ZNF558: variants seen among roughly 807,000 people sequenced by gnomAD.
ZNF558 encodes zinc finger protein 558.
In ZNF558, 23 loss-of-function variants were observed where a neutral mutation model predicts 37.6. The ratio of observed to expected loss-of-function variants is 0.61; its 90% CI spans 0.44 to 0.87. ZNF558 has a LOEUF of 0.87. Ranked by LOEUF, ZNF558 falls within the 40% of genes least tolerant of loss-of-function variation. The pLI is 0.00. For missense variants in ZNF558, 429 were observed against 483.7 expected, an observed-to-expected ratio of 0.89 and a Z score of 1.06; for synonymous variants, 189 against 174.4, an observed-to-expected ratio of 1.08 and a Z score of -0.66.
chr19:8,814,955 G>C (rs546162620), intron 7 of ZNF558, among the ~76,000 whole-genome samples: 3 of 152,150 alleles, frequency 2.0e-5, no homozygotes, highest in Admixed American at 6.5e-5. Flanking sequence ...TAGAACTGTT[G>C]TATGTTCTAT....
rs912973396 is a variant in ZNF558, at chr19:8,822,680, AG to A, written c.-22del. The A allele has an allele frequency of 6.2e-7, 1 of 1,613,962 alleles. No homozygotes were observed. Among genetic ancestry groups the A allele is most frequent in the African/African-American group, 1.3e-5 (1 of 74,910 alleles). On this transcript the variant is annotated 5_prime_UTR_variant, in exon 5 of 10. Coordinates refer to ENST00000601372, the MANE Select transcript of ZNF558 (RefSeq NM_144693.3). The surrounding 1 kb of genome is among the most constrained non-coding windows in gnomAD (Gnocchi z 4.4). ...GCCATCCTGTGACTCCGACAGCAAC[AG>A]GGCAGCCGGGAAGCAGGACGCTCCT...
At chr19:8,829,130 T>C (rs1263818260) in intron 2 of ZNF558, among the ~76,000 whole-genome samples, 4 of 151,830 alleles carry the variant, frequency 2.6e-5, no homozygotes, top group Non-Finnish European at 5.9e-5. Flanking sequence ...GGCATGGTGG[T>C]AGGCGCCTGT....
At chr19:8,818,373 G>A (rs1028632766) in intron 7 of ZNF558, among the ~76,000 whole-genome samples, 11 of 152,050 alleles carry the variant, frequency 7.2e-5, no homozygotes, top group Admixed American at 7.2e-4. Context: ...AATCACTTGA[G>A]CCTGGGAGGC....
In ZNF558 at chr19:8,822,357, A is replaced by C. The variant is rs2044115493; in HGVS notation, c.32-266T>G. The stretch of plus-strand genomic sequence containing the variant: ...TTCACAGATGAGGAAACAAGTTCCA[A>C]GGGCGTCACTGTGTTTTTATCAGAT... On this transcript the variant is annotated intron_variant, in intron 5 of 9. Transcript: ENST00000601372. This position sits in a 1 kb window ranked among gnomAD's most constrained non-coding sequence, Gnocchi z 4.4. Among the ~76,000 whole-genome samples, 1 of 152,218 alleles carries C rather than the reference A, an allele frequency of 6.6e-6. No individual in the cohort carries two copies. Among genetic ancestry groups the C allele is most frequent in the African/African-American group, 2.4e-5 (1 of 41,452 alleles).
At chr19:8,834,638 C>CA (rs778953517), upstream of ZNF558, among the ~76,000 whole-genome samples, 645 of 129,782 alleles carry the variant, frequency 5.0e-3, 4 homozygotes, top group East Asian at 0.019. Flanking sequence ...CAAAAAAAAA[C>CA]AAAAAAAAAA....
Position 8,811,487 on chromosome 19 carries a change from G to A in ZNF558, c.1003C>T (p.Leu335Phe), listed in dbSNP as rs1555767958. 5 of 1,614,122 alleles carry A rather than the reference G, an allele frequency of 3.1e-6. No homozygotes were observed. The Admixed American group carries it at 5.0e-5, about 16-fold the overall frequency. ...GTATGTATTCTCTTGTGCACAGTAAGAGAAAAGCTACTGCTGAAGGATTTC... is the reference window on the plus strand; with the variant it reads ...GTATGTATTCTCTTGTGCACAGTAAAAGAAAAGCTACTGCTGAAGGATTTC... The part of the protein sequence containing the change: ...CGKSFSSSFS[L>F]TVHKRIHTGE... The change falls in exon 10 of 10, where the codon CTT becomes TTT. Residue 335 changes from leucine to phenylalanine, a missense_variant. By Grantham distance (22) the Leu-to-Phe change is conservative. Coordinates refer to ENST00000601372, the MANE Select transcript of ZNF558 (RefSeq NM_144693.3).
At chr19:8,830,138 C>G (rs1025960303) in intron 2 of ZNF558, among the ~76,000 whole-genome samples, 14 of 152,102 alleles carry the variant, frequency 9.2e-5, no homozygotes, top group Admixed American at 8.5e-4. Context: ...AGAAGTTTGG[C>G]GTTTATGTCT....
upstream of ZNF558, among the ~76,000 whole-genome samples, chr19:8,837,286 C>T (rs936530980): frequency 6.6e-6 from 1 of 152,134 alleles, no homozygotes; most frequent in Non-Finnish European, 1.5e-5. Context: ...GATCATCTAC[C>T]TCCTATTTAA....
Position 8,821,984 on chromosome 19 carries a change from AAAGG to A in ZNF558, c.120+15_120+18del. ...TGGCCAAAGGAATAATGATTTGGGA[AAAGG>A]AACATCTGACTCACCCGTAGCCAGC... is the stretch of plus-strand genomic sequence containing the variant. On this transcript the variant is annotated intron_variant, in intron 6 of 9. Transcript: ENST00000601372. 4.3e-6 allele frequency: 7 copies of A among 1,613,676 alleles called. No individual in the cohort carries two copies. The highest frequency in any genetic ancestry group is 5.9e-6 in the Non-Finnish European group (7 of 1,179,702).
chr19:8,836,020 AGTGG>A (rs2044451441), upstream of ZNF558, among the ~76,000 whole-genome samples: 1 of 152,220 alleles, frequency 6.6e-6, no homozygotes, highest in African/African-American at 2.4e-5. Context: ...AATGAGGGGA[AGTGG>A]GTAATGGTAT....
chr19:8,825,906 C>A (rs572157160), intron 2 of ZNF558, among the ~76,000 whole-genome samples: 1 of 152,146 alleles, frequency 6.6e-6, no homozygotes, highest in East Asian at 1.9e-4. Context: ...AGGCAAGGAT[C>A]CTGACATGGG....
Position 8,808,581 on chromosome 19 carries a change from G to T in ZNF558, c.*2700C>A, listed in dbSNP as rs1555766622. ...CTGTACTTGGAAATACAATTAAGTT[G>T]CATTAATGTTCATATACCCTATATC... On this transcript the variant is annotated 3_prime_UTR_variant, in exon 10 of 10. Coordinates refer to ENST00000601372, the MANE Select transcript of ZNF558 (RefSeq NM_144693.3). The T allele has an allele frequency of 1.3e-5, 2 of 152,082 alleles. No homozygotes were observed. The highest frequency in any genetic ancestry group is 4.8e-5 in the African/African-American group (2 of 41,408). 9.4% of individuals were successfully genotyped at this position (152,082 alleles called of 1,614,324 possible).
intron 7 of ZNF558, among the ~76,000 whole-genome samples, chr19:8,819,427 C>A (rs1358385834): frequency 6.6e-6 from 1 of 152,078 alleles, no homozygotes; most frequent in African/African-American, 2.4e-5. Flanking sequence ...GTGATCCATC[C>A]ATCTCAGCCT....
Position 8,809,501 on chromosome 19 carries a change from T to A in ZNF558, c.*1780A>T, listed in dbSNP as rs1317207004. On this transcript the variant is annotated 3_prime_UTR_variant, in exon 10 of 10. Coordinates refer to ENST00000601372, the MANE Select transcript of ZNF558 (RefSeq NM_144693.3). ...GGAAAGAAACCAACAGTATTTGGCA[T>A]ACCAAGATAGAGAGAAAATAATCAG... 1 of 152,184 alleles carries A rather than the reference T, an allele frequency of 6.6e-6. No individual in the cohort carries two copies. The highest frequency in any genetic ancestry group is 2.4e-5 in the African/African-American group (1 of 41,444). 9.4% of individuals were successfully genotyped at this position (152,184 alleles called of 1,614,324 possible).
At position 8,813,127 on chromosome 19, in the gene ZNF558, C is replaced by T. The variant is rs782383224; in HGVS notation, c.343G>A (p.Asp115Asn). 1.9e-6 allele frequency: 3 copies of T among 1,581,660 alleles called. No homozygotes were observed. The highest frequency in any genetic ancestry group is 1.2e-5 in the South Asian group (1 of 86,470). The change falls in exon 8 of 10, where the codon GAT becomes AAT. Residue 115 changes from aspartate (D) to asparagine (N), a missense_variant and splice_region_variant. By Grantham distance (23) the Asp-to-Asn change is conservative. Transcript: ENST00000601372. ...GGGCTCATATCCACCTGGTGCTCAC[C>T]TGGACAGGTGCTTGGTAGAATTCCT... is the stretch of plus-strand genomic sequence containing the variant. ...ERGILPSTCP[D>N]LETLLKAKWL...
chr19:8,829,532 C>T (rs2044303858), intron 2 of ZNF558, among the ~76,000 whole-genome samples: 1 of 152,162 alleles, frequency 6.6e-6, no homozygotes, highest in African/African-American at 2.4e-5. Flanking sequence ...CCACATCACT[C>T]CTGTCATTCA....
intron 2 of ZNF558, among the ~76,000 whole-genome samples, chr19:8,828,791 G>C (rs147667359): frequency 0.025 from 3,824 of 152,076 alleles, 158 homozygotes; most frequent in African/African-American, 0.087. Context: ...GTGAAACTCT[G>C]TCTCTACTCA....
chr19:8,822,240 TCTC>T lies in ZNF558; in HGVS notation c.32-152_32-150del. 1.1e-6 allele frequency: 1 copy of T among 933,730 alleles called. No homozygotes were observed. The highest frequency in any genetic ancestry group is 1.6e-6 in the Non-Finnish European group (1 of 627,794). 57.8% of individuals were successfully genotyped at this position (933,730 alleles called of 1,614,324 possible). On this transcript the variant is annotated intron_variant, in intron 5 of 9. Transcript: ENST00000601372. The surrounding 1 kb of genome is among the most constrained non-coding windows in gnomAD (Gnocchi z 4.4). ...CTCCATGCAAACACCTACCCACAGC[TCTC>T]CTAAGATACCCAAACACAGCCCTGT...
At chr19:8,833,989 AAAAAC>A (rs142846970), upstream of ZNF558, among the ~76,000 whole-genome samples, 26,218 of 151,906 alleles carry the variant, frequency 0.17, 2,780 homozygotes, top group East Asian at 0.27. Context: ...CTCCATCTCA[AAAAAC>A]AAAACAAAAC....
Sources: allele counts gnomAD v4.1 joint callset (sites outside exome capture counted in the v4.1 genomes callset), GRCh38; gene constraint gnomAD v4.1.1; non-coding constraint Gnocchi (gnomAD v3.1); transcripts MANE v1.5; gene names NCBI Gene and HGNC (gene_info 2026-07-23, HGNC 2026-07-21).